LMBR1: variants seen among roughly 807,000 people sequenced by gnomAD.
LMBR1 encodes limb development membrane protein 1.
A neutral mutation model predicts 73.9 loss-of-function variants in LMBR1; 52 were observed. The ratio of observed to expected loss-of-function variants is 0.70; its 90% CI spans 0.56 to 0.89. LMBR1 has a LOEUF of 0.89. Ranked by LOEUF, LMBR1 falls within the 40% of genes least tolerant of loss-of-function variation. The probability of loss-of-function intolerance (pLI) is 0.00; values close to 1 mark genes in which losing one functional copy is unlikely to be tolerated. For synonymous variants in LMBR1, 215 were observed against 209.4 expected, an observed-to-expected ratio of 1.03 and a Z score of -0.23; for missense variants, 539 against 579.8, an observed-to-expected ratio of 0.93 and a Z score of 0.72.
At chr7:156,755,554 AT>A (rs1328182995) in intron 9 of LMBR1, among the ~76,000 whole-genome samples, 1 of 152,232 alleles carries the variant, frequency 6.6e-6, no homozygotes, top group Non-Finnish European at 1.5e-5. Context: ...GATTATCCAA[AT>A]AAGACAAATT....
chr7:156,701,693 G>A (rs1010952840), intron 15 of LMBR1, among the ~76,000 whole-genome samples: 1 of 152,178 alleles, frequency 6.6e-6, no homozygotes, highest in African/African-American at 2.4e-5. Flanking sequence ...GTGCAGGTTT[G>A]TTATCATGTG....
intron 15 of LMBR1, among the ~76,000 whole-genome samples, chr7:156,721,449 T>C (rs181518109): frequency 1.7e-4 from 26 of 151,592 alleles, no homozygotes; most frequent in African/African-American, 6.3e-4. Context: ...TGGACATCTA[T>C]AGATAATTAG....
intron 15 of LMBR1, among the ~76,000 whole-genome samples, chr7:156,720,373 G>A (rs1814269914): frequency 6.6e-6 from 1 of 152,202 alleles, no homozygotes; most frequent in African/African-American, 2.4e-5. Context: ...ATCAACAGGT[G>A]ACTAAATTTA....
intron 14 of LMBR1, among the ~76,000 whole-genome samples, chr7:156,725,071 T>A (rs190193717): frequency 3.3e-5 from 5 of 152,220 alleles, no homozygotes; most frequent in Admixed American, 3.3e-4. Context: ...TTGTCCCTAC[T>A]ACTTGTAGCA....
chr7:156,707,681 A>G (rs1006319373), intron 15 of LMBR1, among the ~76,000 whole-genome samples: 2 of 152,164 alleles, frequency 1.3e-5, no homozygotes, highest in African/African-American at 4.8e-5. Context: ...TTCATGACGA[A>G]AGCCCTCCAC....
rs541475074 is a variant in LMBR1, at chr7:156,746,560, A to G, written c.757+9833T>C. Among the ~76,000 whole-genome samples the G allele has an allele frequency of 3.9e-5, 6 of 152,320 alleles. 1 individual carries two copies. Among genetic ancestry groups the G allele is most frequent in the Admixed American group, 3.3e-4 (5 of 15,302 alleles). Reference sequence around the variant, plus strand: ...CAGGTGATATAACACTAGGCACACAATAGGTAATTAATAAATACTGACTGA... The same window carrying G: ...CAGGTGATATAACACTAGGCACACAGTAGGTAATTAATAAATACTGACTGA... On this transcript the variant is annotated intron_variant, in intron 9 of 16. Coordinates refer to ENST00000353442, the MANE Select transcript of LMBR1 (RefSeq NM_022458.4).
chr7:156,676,624 C>T (rs756871868), downstream of LMBR1: 2 of 1,613,988 alleles, frequency 1.2e-6, no homozygotes, highest in South Asian at 2.2e-5. Context: ...CTCTGCCGCT[C>T]CTGCTACCAG....
At chr7:156,779,850 C>T in intron 5 of LMBR1, 1 of 352,494 alleles carries the variant, frequency 2.8e-6, no homozygotes, top group Non-Finnish European at 5.6e-6. Flanking sequence ...TTTCACTTAA[C>T]AAAAAGGGTC....
intron 9 of LMBR1, among the ~76,000 whole-genome samples, chr7:156,752,998 G>C (rs1226332258): frequency 6.6e-6 from 1 of 152,274 alleles, no homozygotes; most frequent in South Asian, 2.1e-4. Context: ...GTTAGGATCA[G>C]GGTATGTTAA....
chr7:156,706,366 A>T (rs1810942430), intron 15 of LMBR1, among the ~76,000 whole-genome samples: 1 of 152,166 alleles, frequency 6.6e-6, no homozygotes, highest in Non-Finnish European at 1.5e-5. Context: ...CGAGAAAAAA[A>T]ATCAGCAAAG....
intron 4 of LMBR1, among the ~76,000 whole-genome samples, chr7:156,799,933 G>A (rs1207163821): frequency 6.6e-6 from 1 of 152,208 alleles, no homozygotes; most frequent in African/African-American, 2.4e-5. Context: ...GCCACAGCCT[G>A]AGCAAGGTTG....
At chr7:156,687,606 A>C (rs900501975) in intron 16 of LMBR1, among the ~76,000 whole-genome samples, 4 of 152,196 alleles carry the variant, frequency 2.6e-5, no homozygotes, top group Non-Finnish European at 4.4e-5. Context: ...GAAGAGACTT[A>C]TGGGTTAGCC....
rs117478684 is a variant in LMBR1, at chr7:156,669,886, G to A, written n.867-599C>T. On this transcript the variant is annotated intron_variant and non_coding_transcript_variant, in intron 4 of 4. Coordinates refer to the LMBR1 transcript ENST00000430825. The surrounding 1 kb of genome is among the most constrained non-coding windows in gnomAD (Gnocchi z 4.2). ...CTTGGGGACTCTGTTCCAGGTGACA[G>A]GAGGGCGGGCGGTCATGGCCTAGTG... is the stretch of plus-strand genomic sequence containing the variant. Among the ~76,000 whole-genome samples the A allele has an allele frequency of 6.8e-4, 103 of 152,314 alleles. No individual in the cohort carries two copies. In the East Asian group the frequency reaches 0.018, roughly 27 times the overall value.
Position 156,892,942 on chromosome 7 carries a change from C to G in LMBR1, c.52G>C (p.Val18Leu), listed in dbSNP as rs147215221. Residue 18 changes from valine (V) to leucine (L), a missense_variant, in exon 1 of 17, where the codon GTG becomes CTG. Around this residue, in one of 3 missense-constraint regions of LMBR1, gnomAD observed 454 missense variants for 473.4 expected, o/e 0.96. Coordinates refer to ENST00000353442, the MANE Select transcript of LMBR1 (RefSeq NM_022458.4). ...TCCCCACGCACCGTGGACTCCCGCA[C>G]TTGGCTGTGGAAGTGCTGCTCCCGC... ...SAREQHFHSQ[V>L]RESTICFLLF... The G allele has an allele frequency of 1.3e-6, 2 of 1,540,640 alleles. No individual in the cohort carries two copies. Among genetic ancestry groups the G allele is most frequent in the Non-Finnish European group, 1.7e-6 (2 of 1,151,224 alleles).
chr7:156,803,929 T>C (rs2133484297), intron 4 of LMBR1, among the ~76,000 whole-genome samples: 1 of 131,216 alleles, frequency 7.6e-6, no homozygotes, highest in East Asian at 2.3e-4. Flanking sequence ...CACTCATAGG[T>C]GGGAATTGAA....
At chr7:156,770,774 C>T (rs1361626585) in intron 5 of LMBR1, among the ~76,000 whole-genome samples, 2 of 151,938 alleles carry the variant, frequency 1.3e-5, no homozygotes, top group Admixed American at 6.6e-5. Context: ...ATGAGATGGG[C>T]ATGGAAGCAC....
At chr7:156,840,182 G>A (rs1838400862) in intron 1 of LMBR1, among the ~76,000 whole-genome samples, 1 of 152,184 alleles carries the variant, frequency 6.6e-6, no homozygotes, top group South Asian at 2.1e-4. Context: ...ACTCTTCTAG[G>A]AACTGGGACA....
chr7:156,860,250 C>T (rs113029257), intron 1 of LMBR1, among the ~76,000 whole-genome samples: 4 of 152,118 alleles, frequency 2.6e-5, no homozygotes, highest in African/African-American at 7.2e-5. Flanking sequence ...ACAATCATGG[C>T]GGAAGGCAAG....
intron 9 of LMBR1, among the ~76,000 whole-genome samples, chr7:156,752,375 T>C (rs1449293125): frequency 6.6e-6 from 1 of 152,152 alleles, no homozygotes; most frequent in African/African-American, 2.4e-5. Context: ...AATTATAGCA[T>C]ATCTTTATGC....
Sources: allele counts gnomAD v4.1 joint callset (sites outside exome capture counted in the v4.1 genomes callset), GRCh38; gene constraint gnomAD v4.1.1; regional missense constraint gnomAD v4.1.1; non-coding constraint Gnocchi (gnomAD v3.1); transcripts MANE v1.5; gene names NCBI Gene and HGNC (gene_info 2026-07-23, HGNC 2026-07-21).